The following PAPSS1 variants were observed in gnomAD, a reference collection of about 807,000 sequenced individuals.
PAPSS1 encodes bifunctional 3'-phosphoadenosine 5'-phosphosulfate synthase 1.
In PAPSS1, 50 loss-of-function variants were observed where a neutral mutation model predicts 72.0. The observed-to-expected ratio is 0.69, with a 90% confidence interval of 0.55 to 0.88. The LOEUF (loss-of-function observed/expected upper bound fraction) is 0.88, where lower values mean the gene tolerates loss of function less well. PAPSS1 is among the 40% of genes least tolerant of loss of function. PAPSS1 has a pLI of 0.00. For synonymous variants in PAPSS1, 261 were observed against 263.6 expected, an observed-to-expected ratio of 0.99 and a Z score of 0.09; for missense variants, 657 against 782.2, an observed-to-expected ratio of 0.84 and a Z score of 1.91.
chr4:107,714,583 C>G (rs1180128321), intron 1 of PAPSS1, among the ~76,000 whole-genome samples: 1 of 152,120 alleles, frequency 6.6e-6, no homozygotes, highest in Non-Finnish European at 1.5e-5. Context: ...AAAAATGCCA[C>G]AACAATTGGA....
chr4:107,686,438 C>T (rs1346606067), intron 4 of PAPSS1, among the ~76,000 whole-genome samples: 1 of 152,056 alleles, frequency 6.6e-6, no homozygotes, highest in Non-Finnish European at 1.5e-5. Flanking sequence ...TTTTAAATTG[C>T]TGTATTATTT....
chr4:107,701,013 A>AT (rs71590193), intron 2 of PAPSS1, among the ~76,000 whole-genome samples, 158 bp downstream of exon 2: 43,309 of 152,056 alleles, frequency 0.28, 7,214 homozygotes, highest in East Asian at 0.46. Context: ...ACAAAAAAAA[A>AT]AATAACAAGA....
chr4:107,627,500 G>A (rs1423292419), intron 11 of PAPSS1, among the ~76,000 whole-genome samples: 1 of 152,118 alleles, frequency 6.6e-6, no homozygotes, highest in Non-Finnish European at 1.5e-5. Context: ...GGAAGGCACT[G>A]CTACCCTTTT....
intron 2 of PAPSS1, among the ~76,000 whole-genome samples, chr4:107,698,597 C>T (rs1723131225): frequency 6.6e-6 from 1 of 152,174 alleles, no homozygotes. Flanking sequence ...TAACTATTGA[C>T]TGCAGCAGAG....
chr4:107,619,941 T>A (rs919911700), intron 11 of PAPSS1, among the ~76,000 whole-genome samples: 3 of 152,204 alleles, frequency 2.0e-5, no homozygotes, highest in Admixed American at 6.5e-5. Flanking sequence ...ACTAACCACA[T>A]GTGGCCAGCA....
chr4:107,640,685 G>T (rs1726515378), intron 10 of PAPSS1, among the ~76,000 whole-genome samples: 1 of 152,132 alleles, frequency 6.6e-6, no homozygotes, highest in Non-Finnish European at 1.5e-5. Context: ...CCTAAATACT[G>T]TCAGGCCAAA....
chr4:107,675,664 A>T, intron 5 of PAPSS1, among the ~76,000 whole-genome samples: 1 of 152,172 alleles, frequency 6.6e-6, no homozygotes, highest in Non-Finnish European at 1.5e-5. Context: ...AAAAGAGAGA[A>T]TCCTCCCTAA....
At chr4:107,692,778 G>GTATATA (rs148086345) in intron 3 of PAPSS1, among the ~76,000 whole-genome samples, 2,263 of 147,052 alleles carry the variant, frequency 0.015, 48 homozygotes, top group African/African-American at 0.053. Flanking sequence ...AACACGGTGT[G>GTATATA]TATATATATA....
At chr4:107,658,038 G>T (rs1727065936) in intron 6 of PAPSS1, among the ~76,000 whole-genome samples, 1 of 152,046 alleles carries the variant, frequency 6.6e-6, no homozygotes, top group African/African-American at 2.4e-5. Context: ...GGAACATCTT[G>T]CTGAGCCAGG....
intron 5 of PAPSS1, among the ~76,000 whole-genome samples, chr4:107,675,351 A>G (rs1364654052): frequency 2.6e-5 from 4 of 152,186 alleles, no homozygotes; most frequent in Admixed American, 1.3e-4. Context: ...GATAAAGGGG[A>G]TATCACCCCC....
intron 1 of PAPSS1, among the ~76,000 whole-genome samples, chr4:107,704,476 G>T (rs2125938385): frequency 6.6e-6 from 1 of 152,340 alleles, no homozygotes; most frequent in Non-Finnish European, 1.5e-5. Flanking sequence ...TATGATGTCA[G>T]TTGTGGGCTT....
chr4:107,687,678 C>G (rs1433398830), intron 3 of PAPSS1, among the ~76,000 whole-genome samples: 1 of 152,222 alleles, frequency 6.6e-6, no homozygotes, highest in African/African-American at 2.4e-5. Flanking sequence ...ACTCCCAACT[C>G]TCTAGTAACC....
chr4:107,673,507 G>A (rs995394898), intron 5 of PAPSS1, among the ~76,000 whole-genome samples: 1 of 151,934 alleles, frequency 6.6e-6, no homozygotes, highest in African/African-American at 2.4e-5. Flanking sequence ...GAGAAGTTTA[G>A]AGAAAAAAAG....
chr4:107,647,561 T>A (rs896266878), intron 9 of PAPSS1, among the ~76,000 whole-genome samples: 1 of 152,218 alleles, frequency 6.6e-6, no homozygotes, highest in African/African-American at 2.4e-5. Context: ...TGCTTTTTTT[T>A]AAAGTAAAAA....
chr4:107,618,152 G>T (rs1725870840), intron 11 of PAPSS1, among the ~76,000 whole-genome samples: 2 of 152,028 alleles, frequency 1.3e-5, no homozygotes. Flanking sequence ...TTGTCAAAAA[G>T]GTAGAAAGAG....
intron 1 of PAPSS1, among the ~76,000 whole-genome samples, chr4:107,713,170 T>C (rs72885279): frequency 0.031 from 4,779 of 152,084 alleles, 275 homozygotes; most frequent in African/African-American, 0.11. Flanking sequence ...GGCTAGTTGA[T>C]ACATGTTGTA....
rs1343440704 is a variant in PAPSS1 at position 107,645,030 on chromosome 4, A to G, written c.1278T>C (p.Asn426=). The G allele has an allele frequency of 1.9e-6, 3 of 1,599,912 alleles. No individual in the cohort carries two copies. Among genetic ancestry groups the G allele is most frequent in the South Asian group, 2.3e-5 (2 of 88,686 alleles). The change falls in exon 10 of 12, where the codon AAT becomes AAC. Residue 426 remains asparagine (N), a synonymous_variant. Transcript: ENST00000265174. Reference sequence around the variant, plus strand: ...TATCCTGCATTAACAGGGCATGTCCATTGTGCACTGGGTTGCGTAGTTGAA... The same window carrying G: ...TATCCTGCATTAACAGGGCATGTCCGTTGTGCACTGGGTTGCGTAGTTGAA... The part of the protein sequence containing the change: ...FAFQLRNPVH[N]GHALLMQDTH...
intron 11 of PAPSS1, among the ~76,000 whole-genome samples, chr4:107,625,067 G>A (rs1470917576): frequency 6.6e-6 from 1 of 152,164 alleles, no homozygotes; most frequent in Non-Finnish European, 1.5e-5. Flanking sequence ...GTAGGATTTG[G>A]GGATATTATG....
At chr4:107,615,197 C>G (rs10006012) in intron 11 of PAPSS1, among the ~76,000 whole-genome samples, 36,370 of 151,908 alleles carry the variant, frequency 0.24, 4,987 homozygotes, top group Middle Eastern at 0.33. Flanking sequence ...CAAAAACACA[C>G]AAAAGCCCTC....
Sources: allele counts gnomAD v4.1 joint callset (sites outside exome capture counted in the v4.1 genomes callset), GRCh38; gene constraint gnomAD v4.1.1; transcripts MANE v1.5; gene names NCBI Gene and HGNC (gene_info 2026-07-23, HGNC 2026-07-21).